Variants in UGT1A10 observed in about 807,000 individuals in gnomAD.
UGT1A10 encodes UDP-glucuronosyltransferase 1A10.
Under a neutral mutation model 45.8 loss-of-function variants are expected in UGT1A10, and 49 were observed. The observed-to-expected ratio is 1.07, with a 90% CI of 0.85 to 1.36. The LOEUF is 1.36. Ranked by LOEUF, UGT1A10 falls within the 40% of genes most tolerant of loss-of-function variation. The probability of loss-of-function intolerance (pLI) is 0.00; values close to 1 mark genes in which losing one functional copy is unlikely to be tolerated. For synonymous variants in UGT1A10, 284 were observed against 249.7 expected (o/e 1.14, Z -1.29); for missense variants, 745 against 668.6 (o/e 1.11, Z -1.26).
intron 1 of UGT1A10, chr2:233,743,046 AG>A: frequency 3.1e-6 from 1 of 319,454 alleles, no homozygotes; most frequent in Non-Finnish European, 6.1e-6. Context: ...CTATCCGTGT[AG>A]TCCCAACGAT....
chr2:233,694,449 C>T (rs182709134), intron 1 of UGT1A10, among the ~76,000 whole-genome samples: 1 of 152,296 alleles, frequency 6.6e-6, no homozygotes. Context: ...TACTGACTGG[C>T]CTTTTCAGCA....
At chr2:233,758,025 T>G (rs1696779079) in intron 1 of UGT1A10, among the ~76,000 whole-genome samples, 1 of 152,184 alleles carries the variant, frequency 6.6e-6, no homozygotes, top group Non-Finnish European at 1.5e-5. Context: ...TCTGTCTACC[T>G]GACCCCTCCT....
chr2:233,771,661 T>C (rs899762223), intron 4 of UGT1A10: 2 of 152,426 alleles, frequency 1.3e-5, no homozygotes, highest in African/African-American at 4.8e-5. Context: ...TAATGAAATT[T>C]CTCACAAAAT....
At chr2:233,710,778 A>G (rs2076147755) in intron 1 of UGT1A10, among the ~76,000 whole-genome samples, 1 of 152,244 alleles carries the variant, frequency 6.6e-6, no homozygotes, top group African/African-American at 2.4e-5. Flanking sequence ...CAATTTTAGC[A>G]AACGTTTTGT....
At chr2:233,666,083 C>G (rs568328221) in intron 1 of UGT1A10, among the ~76,000 whole-genome samples, 18 of 152,346 alleles carry the variant, frequency 1.2e-4, no homozygotes, top group Non-Finnish European at 2.2e-4. Flanking sequence ...GCGAGAGACT[C>G]AGGCTACTTC....
intron 1 of UGT1A10, among the ~76,000 whole-genome samples, chr2:233,668,217 C>T (rs370158417): frequency 2.2e-4 from 33 of 152,120 alleles, no homozygotes; most frequent in African/African-American, 7.7e-4. Flanking sequence ...ACCCCCACCT[C>T]TCGACAGGCC....
In UGT1A10 at chr2:233,701,052, T is replaced by A. The variant is rs545196754; in HGVS notation, c.855+63675T>A. Among the ~76,000 whole-genome samples, 24 of 152,314 alleles carry A rather than the reference T, an allele frequency of 1.6e-4. No homozygotes were observed. In the East Asian group the frequency reaches 4.4e-3, roughly 28 times the overall value. On this transcript the variant is annotated intron_variant, in intron 1 of 4. Transcript: ENST00000344644. ...TGTCCCTACAAAGGACATGAACTCA[T>A]AATTTTTTATGGCTGCATAGTATTC...
In UGT1A10 at chr2:233,713,469, G is replaced by A. The variant is rs755500428; in HGVS notation, c.856-53565G>A. The A allele has an allele frequency of 2.5e-6, 4 of 1,614,076 alleles. No homozygotes were observed. The South Asian group carries it at 4.4e-5, about 18-fold the overall frequency. ...AGACCCCTTTCACCTCTGCGCGGCG[G>A]TGCTGGCTAAGTACCTGTCGATTCC... On this transcript the variant is annotated intron_variant, in intron 1 of 4. Transcript: ENST00000344644.
At chr2:233,676,052 G>T (rs776743644) in intron 1 of UGT1A10, among the ~76,000 whole-genome samples, 2 of 152,140 alleles carry the variant, frequency 1.3e-5, no homozygotes, top group African/African-American at 2.4e-5. Flanking sequence ...CAATTGACTA[G>T]GTGCCAAAGT....
At chr2:233,727,130 G>A (rs2077585965) in intron 1 of UGT1A10, among the ~76,000 whole-genome samples, 1 of 152,168 alleles carries the variant, frequency 6.6e-6, no homozygotes, top group Non-Finnish European at 1.5e-5. Context: ...TGGCAGAGGG[G>A]AACAAGACCA....
At chr2:233,640,445 C>T (rs771860351) in intron 1 of UGT1A10, among the ~76,000 whole-genome samples, 3 of 152,062 alleles carry the variant, frequency 2.0e-5, no homozygotes, top group Non-Finnish European at 4.4e-5. Flanking sequence ...CGTTATCACA[C>T]CTAACACAAT....
At chr2:233,761,149 C>G (rs1575779799) in intron 1 of UGT1A10, 1 of 1,614,176 alleles carries the variant, frequency 6.2e-7, no homozygotes, top group East Asian at 2.2e-5. Context: ...TCCACTATCC[C>G]AGGTGTGTAT....
chr2:233,707,058 A>C (rs1363542701), intron 1 of UGT1A10, among the ~76,000 whole-genome samples: 1 of 152,162 alleles, frequency 6.6e-6, no homozygotes, highest in Non-Finnish European at 1.5e-5. Flanking sequence ...TCAGGTGGAC[A>C]GAGTCCCATC....
chr2:233,731,811 GGCTGTGTCAAAT>G (rs1424533817), intron 1 of UGT1A10, among the ~76,000 whole-genome samples: 1 of 152,090 alleles, frequency 6.6e-6, no homozygotes, highest in Non-Finnish European at 1.5e-5. Flanking sequence ...GTAATGGTAT[GGCTGTGTCAAAT>G]GGTATTTCTA....
chr2:233,662,077 G>C (rs1275698284), intron 1 of UGT1A10, among the ~76,000 whole-genome samples: 1 of 152,102 alleles, frequency 6.6e-6, no homozygotes, highest in African/African-American at 2.4e-5. Flanking sequence ...TAGTACAGTA[G>C]GCACAGTTAA....
intron 1 of UGT1A10, chr2:233,754,408 C>G (rs1318751129): frequency 8.8e-6 from 3 of 340,794 alleles, no homozygotes; most frequent in African/African-American, 6.4e-5. Flanking sequence ...GCAGTCCCAA[C>G]AATAAAGACA....
chr2:233,647,833 C>A, intron 1 of UGT1A10: 1 of 1,060,418 alleles, frequency 9.4e-7, no homozygotes, highest in Non-Finnish European at 1.3e-6. Flanking sequence ...CAAAAGCTAG[C>A]TTTGGTGTCA....
At chr2:233,672,798 T>C (rs747306856) in intron 1 of UGT1A10, 1 of 1,612,458 alleles carries the variant, frequency 6.2e-7, no homozygotes, top group South Asian at 1.1e-5. Context: ...TGGTAAGTTA[T>C]CTCTCCTTTA....
chr2:233,663,852 C>A (rs2074022835), intron 1 of UGT1A10, among the ~76,000 whole-genome samples: 2 of 152,160 alleles, frequency 1.3e-5, no homozygotes, highest in Admixed American at 1.3e-4. Flanking sequence ...GTTTCATTTG[C>A]AACCACCATT....
Sources: gnomAD v4.1 joint callset for allele counts (sites outside exome capture counted in the v4.1 genomes callset) on GRCh38, gnomAD v4.1.1 for gene constraint, MANE v1.5 for transcripts, NCBI Gene and HGNC (gene_info 2026-07-23, HGNC 2026-07-21) for gene names.